SGTA: variants seen among roughly 807,000 people sequenced by gnomAD.
SGTA encodes the protein small glutamine rich tetratricopeptide repeat co-chaperone alpha, also known as small glutamine-rich tetratricopeptide repeat-containing protein alpha.
A neutral mutation model predicts 44.3 loss-of-function variants in SGTA; 22 were observed. The ratio of observed to expected loss-of-function variants is 0.50; its 90% CI spans 0.36 to 0.71. SGTA has a LOEUF of 0.71. Among genes scored for constraint, SGTA ranks in the 30% least tolerant of loss-of-function variants. The pLI is 0.00. For synonymous variants in SGTA, 174 were observed against 177.6 expected, an observed-to-expected ratio of 0.98 and a Z score of 0.16; for missense variants, 341 against 435.9, an observed-to-expected ratio of 0.78 and a Z score of 1.94.
At chr19:2,757,639 C>A in intron 10 of SGTA, 54 bp downstream of exon 10, 1 of 1,471,990 alleles carries the variant, frequency 6.8e-7, no homozygotes, top group Non-Finnish European at 9.1e-7. Flanking sequence ...CTTCCGCCTG[C>A]GAGCCCTGCC....
intron 1 of SGTA, among the ~76,000 whole-genome samples, chr19:2,771,356 G>A (rs1231592786): frequency 6.6e-6 from 1 of 152,144 alleles, no homozygotes; most frequent in Non-Finnish European, 1.5e-5. Flanking sequence ...CCAGGGAGTT[G>A]GAGGTTGCAG....
chr19:2,769,711 G>A (rs1484273485), intron 1 of SGTA, among the ~76,000 whole-genome samples: 2 of 151,724 alleles, frequency 1.3e-5, no homozygotes, highest in Non-Finnish European at 2.9e-5. Flanking sequence ...TGTTCCCCCT[G>A]GGAGGCCTAC....
chr19:2,757,520 C>T, intron 10 of SGTA, 63 bp from the exon 11 acceptor site: 3 of 1,573,188 alleles, frequency 1.9e-6, no homozygotes, highest in South Asian at 1.1e-5. Context: ...CTCCGTCCAT[C>T]CCCAGCTGAC....
Position 2,768,951 on chromosome 19 carries a change from T to C in SGTA, c.100+18A>G, listed in dbSNP as rs371661954. On this transcript the variant is annotated intron_variant, in intron 2 of 11. Coordinates refer to ENST00000221566, the MANE Select transcript of SGTA (RefSeq NM_003021.4). Reference sequence around the variant, plus strand: ...GCCGCTGCCCGGGGAGAGGGGGAAGTGGCAGGCACCCACCTACCTTCCAAG... The same window carrying C: ...GCCGCTGCCCGGGGAGAGGGGGAAGCGGCAGGCACCCACCTACCTTCCAAG... 6 of 1,586,664 alleles carry C rather than the reference T, an allele frequency of 3.8e-6. No individual in the cohort carries two copies. The highest frequency in any genetic ancestry group is 5.2e-6 in the Non-Finnish European group (6 of 1,155,736).
chr19:2,756,084 C>T (rs937054486), intron 11 of SGTA, among the ~76,000 whole-genome samples, 151 bp from the exon 12 acceptor site: 4 of 152,108 alleles, frequency 2.6e-5, no homozygotes, highest in African/African-American at 7.2e-5. Context: ...GCACCAGAAG[C>T]GTTCCACACA....
Position 2,769,111 on chromosome 19 carries a change from C to A in SGTA, c.-23-20G>T, listed in dbSNP as rs1247725150. 1 of 1,504,696 alleles carries A rather than the reference C, an allele frequency of 6.6e-7. No homozygotes were observed. Among genetic ancestry groups the A allele is most frequent in the South Asian group, 1.1e-5 (1 of 88,790 alleles). 93.2% of individuals were successfully genotyped at this position (1,504,696 alleles called of 1,614,324 possible). ...TGATACCTGGGGGTGCAGGAAAAAC[C>A]CCCATCAGGCCCCCTCACACTCCCC... On this transcript the variant is annotated intron_variant, in intron 1 of 11. Coordinates refer to ENST00000221566, the MANE Select transcript of SGTA (RefSeq NM_003021.4).
chr19:2,763,823 G>T lies in SGTA; in HGVS notation c.393-66C>A, dbSNP rs1263722625. ...CTGAGCCCAGCGGGCAGCCCTTGAG[G>T]GGAGCCTGAGAGCTGCGTTCCTCTC... On this transcript the variant is annotated intron_variant, in intron 5 of 11. Coordinates refer to ENST00000221566, the MANE Select transcript of SGTA (RefSeq NM_003021.4). This position sits in a 1 kb window ranked among gnomAD's most constrained non-coding sequence, Gnocchi z 5.8. 2.3e-6 allele frequency: 3 copies of T among 1,310,380 alleles called. No individual in the cohort carries two copies. The East Asian group carries it at 7.4e-5, about 32-fold the overall frequency. 81.2% of individuals were successfully genotyped at this position (1,310,380 alleles called of 1,614,324 possible).
chr19:2,774,219 G>A (rs909961437), intron 1 of SGTA, among the ~76,000 whole-genome samples: 8 of 152,226 alleles, frequency 5.3e-5, no homozygotes, highest in African/African-American at 1.7e-4. Context: ...TCCTCGTGAC[G>A]ACTCCAACAA....
rs1459140954 is a variant in SGTA, at chr19:2,763,773, C to T, written c.393-16G>A. On this transcript the variant is annotated splice_polypyrimidine_tract_variant and intron_variant, in intron 5 of 11. Transcript: ENST00000221566. The surrounding 1 kb of genome is among the most constrained non-coding windows in gnomAD (Gnocchi z 5.8). ...GGCTGCGGCTCTGGGGAAGAAAAGG[C>T]AGGGCAGGTCCCTCACTGGCGGCTC... 6.2e-7 allele frequency: 1 copy of T among 1,608,366 alleles called. No individual in the cohort carries two copies. The highest frequency in any genetic ancestry group is 2.2e-5 in the East Asian group (1 of 44,720).
rs559134549 is a variant in SGTA, at chr19:2,754,816, C to A, written c.*1124G>T. 1 of 152,306 alleles carries A rather than the reference C, an allele frequency of 6.6e-6. No individual in the cohort carries two copies. The highest frequency in any genetic ancestry group is 1.9e-4 in the East Asian group (1 of 5,178). The allele number at this position is 152,306 out of a possible 1,614,324, so 9.4% of individuals were successfully genotyped here. ...TGAGCGGCTGCAGGGCCGCGGCGGC[C>A]CCCGTTCCTACTGCTACCTACGATA... On this transcript the variant is annotated 3_prime_UTR_variant, in exon 12 of 12. Transcript: ENST00000221566. This position sits in a 1 kb window ranked among gnomAD's most constrained non-coding sequence, Gnocchi z 4.4.
In SGTA at chr19:2,755,580, G is replaced by A. The variant is rs1389171445; in HGVS notation, c.*360C>T. 14 of 985,578 alleles carry A rather than the reference G, an allele frequency of 1.4e-5. No homozygotes were observed. Among genetic ancestry groups the A allele is most frequent in the Admixed American group, 1.2e-4 (2 of 16,268 alleles). The allele number at this position is 985,578 out of a possible 1,614,324, so 61.1% of individuals were successfully genotyped here. ...CTGTAAAAGGCTTTGGAAGCCACAC[G>A]ATCCGCCACACGGCTGAACGTGAAA... On this transcript the variant is annotated 3_prime_UTR_variant, in exon 12 of 12. Transcript: ENST00000221566. The surrounding 1 kb of genome is among the most constrained non-coding windows in gnomAD (Gnocchi z 5.2).
chr19:2,765,581 C>T lies in SGTA; in HGVS notation c.293-296G>A, dbSNP rs1915115299. Among the ~76,000 whole-genome samples the T allele has an allele frequency of 6.6e-6, 1 of 152,060 alleles. No individual in the cohort carries two copies. Among genetic ancestry groups the T allele is most frequent in the Non-Finnish European group, 1.5e-5 (1 of 67,984 alleles). On this transcript the variant is annotated intron_variant, in intron 4 of 11. Transcript: ENST00000221566. The surrounding 1 kb of genome is among the most constrained non-coding windows in gnomAD (Gnocchi z 5.5). The stretch of plus-strand genomic sequence containing the variant: ...TGGCTGTCACTGCCTGGATGGCGAC[C>T]CCGGGAGCAGAACAGTTAATACAGC...
chr19:2,782,733 TCTC>T (rs1408797906), intron 1 of SGTA: 1 of 152,114 alleles, frequency 6.6e-6, no homozygotes, highest in Non-Finnish European at 1.5e-5. Context: ...CGGCTCTCCT[TCTC>T]CTAGGCAGGG....
intron 1 of SGTA, among the ~76,000 whole-genome samples, chr19:2,774,152 G>A (rs1347126200): frequency 2.0e-5 from 3 of 152,202 alleles, no homozygotes; most frequent in African/African-American, 2.4e-5. Context: ...CTGTCACCGC[G>A]GCCCCAGCAA....
chr19:2,782,964 G>C (rs1474187718), intron 1 of SGTA, among the ~76,000 whole-genome samples: 5 of 152,190 alleles, frequency 3.3e-5, no homozygotes, highest in Non-Finnish European at 7.4e-5. Context: ...ACTACATGCG[G>C]GGCGCCTTCC....
At chr19:2,769,509 T>C (rs1021581666) in intron 1 of SGTA, among the ~76,000 whole-genome samples, 6 of 152,174 alleles carry the variant, frequency 3.9e-5, no homozygotes, top group Non-Finnish European at 8.8e-5. Context: ...CCAGCCCCAA[T>C]GTCCACAGTG....
chr19:2,759,419 CG>C, intron 8 of SGTA, 125 bp from the exon 9 acceptor site: 1 of 846,940 alleles, frequency 1.2e-6, no homozygotes. Context: ...CAGTAAGAGC[CG>C]GGCATTCGGT....
At chr19:2,769,355 C>T (rs754610079) in intron 1 of SGTA, among the ~76,000 whole-genome samples, 6 of 152,198 alleles carry the variant, frequency 3.9e-5, no homozygotes, top group Non-Finnish European at 8.8e-5. Flanking sequence ...CGCGTGCTCC[C>T]AGGGCCTCCT....
rs770118703 is a variant in SGTA at position 2,767,641 on chromosome 19, T to C, written c.146A>G (p.Asp49Gly). 6.2e-7 allele frequency: 1 copy of C among 1,613,722 alleles called. No individual in the cohort carries two copies. The highest frequency in any genetic ancestry group is 8.5e-7 in the Non-Finnish European group (1 of 1,179,996). Residue 49 changes from aspartate (D) to glycine (G), a missense_variant, in exon 3 of 12, where the codon GAC becomes GGC. By Grantham distance (94) the Asp-to-Gly change is moderately conservative. Coordinates refer to ENST00000221566, the MANE Select transcript of SGTA (RefSeq NM_003021.4). This position sits in a 1 kb window ranked among gnomAD's most constrained non-coding sequence, Gnocchi z 7.3. ...LETAFGVTVE[D>G]SDLALPQTLP... ...AGTCTGAGGGAGCGCAAGGTCACTGTCTTCTACCGTCACCCCAAACGCAGT... is the reference window on the plus strand; with the variant it reads ...AGTCTGAGGGAGCGCAAGGTCACTGCCTTCTACCGTCACCCCAAACGCAGT...
Sources: allele counts gnomAD v4.1 joint callset (sites outside exome capture counted in the v4.1 genomes callset), GRCh38; gene constraint gnomAD v4.1.1; non-coding constraint Gnocchi (gnomAD v3.1); transcripts MANE v1.5; gene names NCBI Gene and HGNC (gene_info 2026-07-23, HGNC 2026-07-21).